The following PRODH2 variants were observed in gnomAD, a reference collection of about 807,000 sequenced individuals.
PRODH2 encodes the protein hydroxyproline dehydrogenase.
Under a neutral mutation model 51.9 loss-of-function variants are expected in PRODH2, and 49 were observed. That is an observed-to-expected ratio of 0.94 (90% CI 0.75 to 1.20). PRODH2 has a LOEUF of 1.20. Among genes scored for constraint, PRODH2 ranks in the 50% most tolerant of loss-of-function variants. PRODH2 has a pLI of 0.00. For synonymous variants in PRODH2, 249 were observed against 260.7 expected (o/e 0.96, Z 0.43); for missense variants, 597 against 610.9 (o/e 0.98, Z 0.24).
chr19:35,809,688 C>T (rs1281663833), intron 4 of PRODH2, among the ~76,000 whole-genome samples: 1 of 152,088 alleles, frequency 6.6e-6, no homozygotes, highest in East Asian at 1.9e-4. Flanking sequence ...AGGCCAGGTA[C>T]AGTGGCTCAT....
At chr19:35,810,012 A>C (rs183314650) in intron 4 of PRODH2, among the ~76,000 whole-genome samples, 1,460 of 136,346 alleles carry the variant, frequency 0.011, 25 homozygotes, top group African/African-American at 0.037. Flanking sequence ...TCACGCCTGT[A>C]ATCCCAGCAC....
rs1320636038 is a variant in PRODH2, at chr19:35,807,075, C to T, written c.644G>A (p.Arg215Gln). Residue 215 changes from arginine (R) to glutamine (Q), a missense_variant, in exon 5 of 10, where the codon CGG becomes CAG. By Grantham distance (43) the Arg-to-Gln change is conservative. Coordinates refer to ENST00000653904, the MANE Select transcript of PRODH2 (RefSeq NM_021232.2). ...CCGATGCAGGCGGCTGAGGGAGGCC[C>T]GGAGGTGCTGGTTCTGCTCAGCATT... ...CLNAEQNQHL[R>Q]ASLSRLHRVA... 2.3e-5 allele frequency: 35 copies of T among 1,552,370 alleles called. No homozygotes were observed. Among genetic ancestry groups the T allele is most frequent in the South Asian group, 2.0e-4 (17 of 84,128 alleles).
chr19:35,809,173 G>A (rs1002253748), intron 4 of PRODH2, among the ~76,000 whole-genome samples: 4 of 135,558 alleles, frequency 3.0e-5, no homozygotes, highest in African/African-American at 8.4e-5. Flanking sequence ...TTCTTTCTTC[G>A]CTCTCAAACT....
Position 35,810,283 on chromosome 19 carries a change from AT to A in PRODH2, c.597+1678del, listed in dbSNP as rs1323107308. On this transcript the variant is annotated intron_variant, in intron 4 of 9. Transcript: ENST00000653904. ...TAAAATAATAATAATAATAATAATA[AT>A]AATAATAAATAAATAGATAAACAAA... is the stretch of plus-strand genomic sequence containing the variant. Among the ~76,000 whole-genome samples, 901 of 148,162 alleles carry A rather than the reference AT, an allele frequency of 6.1e-3. 9 individuals are homozygous for A. The highest frequency in any genetic ancestry group is 0.021 in the African/African-American group (863 of 40,638).
At chr19:35,803,973 C>G (rs1285733737) in intron 7 of PRODH2, among the ~76,000 whole-genome samples, 1 of 152,144 alleles carries the variant, frequency 6.6e-6, no homozygotes, top group Admixed American at 6.5e-5. Flanking sequence ...TTCTACCCTT[C>G]TCTGCCCCTC....
intron 8 of PRODH2, chr19:35,802,580 G>C: frequency 2.1e-6 from 1 of 478,544 alleles, no homozygotes; most frequent in Non-Finnish European, 3.8e-6. Flanking sequence ...TTTGTTTTAA[G>C]AGGTAGGGAC....
At chr19:35,806,056 T>C (rs1281142155) in intron 7 of PRODH2, among the ~76,000 whole-genome samples, 2 of 145,744 alleles carry the variant, frequency 1.4e-5, no homozygotes, top group African/African-American at 5.1e-5. Context: ...ACTGTAAGGA[T>C]TTCTTTTTGT....
rs140478128 is a variant in PRODH2, at chr19:35,803,518, G to A, written c.1002-440C>T. 1.6e-3 allele frequency among the ~76,000 whole-genome samples: 243 copies of A among 152,308 alleles called. 3 individuals carry two copies. In the East Asian group the frequency reaches 0.038, roughly 24 times the overall value. On this transcript the variant is annotated intron_variant, in intron 7 of 9. Transcript: ENST00000653904. ...GATCTGCCCGCCTCAGCCTCCCAGA[G>A]TGCTGGGATTACAGGCGTGAGCCAC... is the stretch of plus-strand genomic sequence containing the variant.
Position 35,812,407 on chromosome 19 carries a change from C to G in PRODH2, c.324G>C (p.Leu108=). The change falls in exon 2 of 10, where the codon CTG becomes CTC. Residue 108 remains leucine, a synonymous_variant. Transcript: ENST00000653904. The part of the protein sequence containing the change: ...QQLRTLSLRP[L]LAVPTEEEPD... ...GCTCCTCCTCAGTGGGCACTGCCAG[C>G]AGTGGTCGGAGGCTGAGGGTCCGCA... The G allele has an allele frequency of 1.9e-6, 3 of 1,614,212 alleles. No individual in the cohort carries two copies. Among genetic ancestry groups the G allele is most frequent in the Non-Finnish European group, 2.5e-6 (3 of 1,180,028 alleles).
chr19:35,802,107 C>A (rs569807180), intron 9 of PRODH2, 84 bp downstream of exon 9: 1 of 1,284,748 alleles, frequency 7.8e-7, no homozygotes, highest in South Asian at 1.2e-5. Context: ...GGAGGCTGGG[C>A]CTTGGTTGGG....
rs924937017 is a variant in PRODH2, at chr19:35,806,848, G to A, written c.679-18C>T. ...CGGGCATACTGATGGCGACAGAGAC[G>A]ACGGTCAGGGCCCCGGGTGTCCAGC... On this transcript the variant is annotated intron_variant, in intron 5 of 9. Transcript: ENST00000653904. 6.3e-6 allele frequency: 10 copies of A among 1,579,078 alleles called. No homozygotes were observed. Among genetic ancestry groups the A allele is most frequent in the African/African-American group, 2.7e-5 (2 of 73,840 alleles).
chr19:35,808,789 TTCCCTC>T (rs1972553267), intron 4 of PRODH2, among the ~76,000 whole-genome samples: 1 of 130,848 alleles, frequency 7.6e-6, no homozygotes, highest in African/African-American at 2.7e-5. Flanking sequence ...CCCTCCCTCC[TTCCCTC>T]CCTTCCTTCC....
chr19:35,806,372 C>T, intron 7 of PRODH2, 58 bp downstream of exon 7: 1 of 1,599,858 alleles, frequency 6.3e-7, no homozygotes, highest in South Asian at 1.1e-5. Flanking sequence ...GTATGAGCCA[C>T]TGCACCCAAC....
rs773969734 is a variant in PRODH2, at chr19:35,812,672, C to G, written c.134G>C (p.Arg45Pro). The G allele has an allele frequency of 6.2e-7, 1 of 1,601,426 alleles. No individual in the cohort carries two copies. The highest frequency in any genetic ancestry group is 8.5e-7 in the Non-Finnish European group (1 of 1,171,788). Reference protein sequence around the residue: ...GELTRALLVLRLCAWPPLVTH... With the variant: ...GELTRALLVLPLCAWPPLVTH... The stretch of plus-strand genomic sequence containing the variant: ...GACGAGTGGGGGCCAGGCACACAGC[C>G]GGAGAACCAGCAAGGCCCGTGTCAG... The change falls in exon 1 of 10, where the codon CGG becomes CCG. Residue 45 changes from arginine to proline, a missense_variant. Arg to Pro is a moderately radical substitution (Grantham distance 103). Transcript: ENST00000653904.
intron 4 of PRODH2, 75 bp downstream of exon 4, chr19:35,811,887 A>C (rs1453309278): frequency 7.0e-7 from 1 of 1,428,712 alleles, no homozygotes; most frequent in African/African-American, 1.4e-5. Context: ...TAGCATTTTG[A>C]ACATCTGGCG....
chr19:35,812,071 G>T, intron 3 of PRODH2, 23 bp from the exon 4 acceptor site: 2 of 1,614,012 alleles, frequency 1.2e-6, no homozygotes, highest in Non-Finnish European at 1.7e-6. Flanking sequence ...GGTAGGCGGG[G>T]TGGTGAGGGG....
chr19:35,804,888 A>T (rs1235896339), intron 7 of PRODH2, among the ~76,000 whole-genome samples: 2 of 152,204 alleles, frequency 1.3e-5, no homozygotes, highest in East Asian at 3.8e-4. Context: ...GTGAGCCAAG[A>T]TCGCACCACT....
rs142614019 is a variant in PRODH2 at position 35,812,248 on chromosome 19, G to T, written c.396C>A (p.Leu132=). The change falls in exon 3 of 10, where the codon CTC becomes CTA. Residue 132 remains leucine, a synonymous_variant. Transcript: ENST00000653904. ...KSGEAWYEGN[L]GAMLRCVDLS... is the part of the protein sequence containing the mutation. ...GGTCCACACACCGCAGCATAGCACC[G>T]AGGTTCCCCTCATACCACGCCTCAC... 8 of 1,613,624 alleles carry T rather than the reference G, an allele frequency of 5.0e-6. No individual in the cohort carries two copies. Among genetic ancestry groups the T allele is most frequent in the Non-Finnish European group, 6.8e-6 (8 of 1,180,010 alleles).
Position 35,812,094 on chromosome 19 carries a change from A to C in PRODH2, c.510+40T>G, listed in dbSNP as rs776405078. On this transcript the variant is annotated intron_variant, in intron 3 of 9. Transcript: ENST00000653904. ...GGGTGGTGAGGGGAGCCCGATGGGC[A>C]GCCGCGCCCTCCCCGCACCCCCGTC... The C allele has an allele frequency of 5.0e-6, 8 of 1,613,516 alleles. No individual in the cohort carries two copies. In the East Asian group the frequency reaches 1.6e-4, roughly 31 times the overall value.
Sources: allele counts gnomAD v4.1 joint callset (sites outside exome capture counted in the v4.1 genomes callset), GRCh38; gene constraint gnomAD v4.1.1; transcripts MANE v1.5; gene names NCBI Gene and HGNC (gene_info 2026-07-23, HGNC 2026-07-21).